Variants in PPARD observed in about 807,000 individuals in gnomAD.
PPARD encodes the protein peroxisome proliferator-activated receptor delta.
A neutral mutation model predicts 39.5 loss-of-function variants in PPARD; 6 were observed. That is an observed-to-expected ratio of 0.15 (90% confidence interval 0.08 to 0.30). The LOEUF is 0.30. Among genes scored for constraint, PPARD ranks in the 10% least tolerant of loss-of-function variants. The pLI is 1.00. For synonymous variants in PPARD, 210 were observed against 231.3 expected (o/e 0.91, Z 0.83); for missense variants, 397 against 596.8 (o/e 0.67, Z 3.49).
Position 35,425,513 on chromosome 6 carries a change from C to A in PPARD, c.1079-319C>A, listed in dbSNP as rs1295917548. ...GAATGTTTTGTGTCTCCATTTTACA[C>A]ATCAGAGAGGCTGAATGACCTGCCT... is the stretch of plus-strand genomic sequence containing the variant. On this transcript the variant is annotated intron_variant, in intron 7 of 7. Transcript: ENST00000360694. This position sits in a 1 kb window ranked among gnomAD's most constrained non-coding sequence, Gnocchi z 4.5. The A allele has an allele frequency of 3.1e-6, 3 of 962,138 alleles. No individual in the cohort carries two copies. In the Admixed American group the frequency reaches 1.1e-4, roughly 36 times the overall value. The allele number at this position is 962,138 out of a possible 1,614,324, so 59.6% of individuals were successfully genotyped here.
intron 2 of PPARD, among the ~76,000 whole-genome samples, chr6:35,387,608 G>A (rs1008351104): frequency 6.6e-6 from 1 of 150,678 alleles, no homozygotes; most frequent in Non-Finnish European, 1.5e-5. Context: ...GCTCTTCACC[G>A]TGGCAGTGGG....
chr6:35,401,333 G>A lies in PPARD; in HGVS notation c.-101-9654G>A, dbSNP rs528664758. Reference sequence around the variant, plus strand: ...GGTTTGCTGTAACTATTGCTCCTCCGAGCCTGGCTGAAATCATCTTCAGTC... The same window carrying A: ...GGTTTGCTGTAACTATTGCTCCTCCAAGCCTGGCTGAAATCATCTTCAGTC... On this transcript the variant is annotated intron_variant, in intron 2 of 7. Coordinates refer to ENST00000360694, the MANE Select transcript of PPARD (RefSeq NM_006238.5). This position sits in a 1 kb window ranked among gnomAD's most constrained non-coding sequence, Gnocchi z 4.1. 2.0e-5 allele frequency among the ~76,000 whole-genome samples: 3 copies of A among 152,206 alleles called. No homozygotes were observed. Among genetic ancestry groups the A allele is most frequent in the East Asian group, 1.9e-4 (1 of 5,188 alleles).
At chr6:35,417,894 G>A (rs141264460) in intron 3 of PPARD, among the ~76,000 whole-genome samples, 78 of 152,338 alleles carry the variant, frequency 5.1e-4, no homozygotes, top group African/African-American at 1.8e-3. Context: ...CCTGCATATA[G>A]AAGGTGCTTA....
At position 35,386,315 on chromosome 6, in the gene PPARD, A is replaced by ATT. The variant is rs751089075; in HGVS notation, c.-101-24650_-101-24649dup. On this transcript the variant is annotated intron_variant, in intron 2 of 7. Transcript: ENST00000360694. ...TGCATAGTGAGACCCCACCTCTACAATTTTTTTTTTTTTTTTTTTTTTTCA... is the reference window on the plus strand; with the variant it reads ...TGCATAGTGAGACCCCACCTCTACAATTTTTTTTTTTTTTTTTTTTTTTTTCA... 2.6e-3 allele frequency among the ~76,000 whole-genome samples: 314 copies of ATT among 120,394 alleles called. 5 individuals carry two copies. Among genetic ancestry groups the ATT allele is most frequent in the East Asian group, 0.011 (42 of 3,790 alleles). The allele number at this position is 120,394 out of a possible 152,430, so 79.0% of individuals were successfully genotyped here.
chr6:35,365,310 G>A (rs1167532044), intron 2 of PPARD, among the ~76,000 whole-genome samples: 3 of 146,004 alleles, frequency 2.1e-5, no homozygotes, highest in Non-Finnish European at 4.5e-5. Flanking sequence ...TTTTGTGTGT[G>A]TGTGTATTTT....
intron 2 of PPARD, among the ~76,000 whole-genome samples, chr6:35,387,571 A>G (rs967238282): frequency 6.6e-6 from 1 of 151,372 alleles, no homozygotes; most frequent in Non-Finnish European, 1.5e-5. Context: ...GCACGCTCTC[A>G]TGTGCGTGTG....
intron 2 of PPARD, among the ~76,000 whole-genome samples, chr6:35,354,054 A>C (rs968115784): frequency 6.6e-6 from 1 of 151,900 alleles, no homozygotes; most frequent in African/African-American, 2.4e-5. Context: ...AACACAGTGA[A>C]ACCCTGTCTC....
intron 3 of PPARD, 39 bp downstream of exon 3, chr6:35,411,256 G>A (rs201525969): frequency 7.5e-6 from 11 of 1,457,946 alleles, no homozygotes; most frequent in Middle Eastern, 2.0e-4. Context: ...GGCAGAGGAG[G>A]CACAGCCCAG....
chr6:35,420,366 G>T, intron 4 of PPARD, 85 bp downstream of exon 4: 2 of 1,480,788 alleles, frequency 1.4e-6, no homozygotes, highest in Non-Finnish European at 9.0e-7. Context: ...CCTTGCCTTG[G>T]GGTGGGGCCC....
At position 35,397,269 on chromosome 6, in the gene PPARD, A is replaced by G. The variant is rs9658115; in HGVS notation, c.-101-13718A>G. 7.0e-3 allele frequency among the ~76,000 whole-genome samples: 1,056 copies of G among 150,386 alleles called. 4 individuals carry two copies. The highest frequency in any genetic ancestry group is 0.02 in the South Asian group (97 of 4,732). On this transcript the variant is annotated intron_variant, in intron 2 of 7. Coordinates refer to ENST00000360694, the MANE Select transcript of PPARD (RefSeq NM_006238.5). The stretch of plus-strand genomic sequence containing the variant: ...GTAGCCTTGGGATCTGCTCAGCAAG[A>G]GGATTGTATAGTTTAAGGGAGGAAG...
At chr6:35,392,910 G>A (rs1381007822) in intron 2 of PPARD, among the ~76,000 whole-genome samples, 1 of 152,148 alleles carries the variant, frequency 6.6e-6, no homozygotes, top group Admixed American at 6.5e-5. Flanking sequence ...TCCTTCCCCA[G>A]AGCAGTTGTT....
chr6:35,421,881 A>G lies in PPARD; in HGVS notation c.347A>G (p.Lys116Arg), dbSNP rs1766195025. The G allele has an allele frequency of 3.7e-6, 6 of 1,613,932 alleles. No homozygotes were observed. Among genetic ancestry groups the G allele is most frequent in the Non-Finnish European group, 5.1e-6 (6 of 1,179,968 alleles). The change falls in exon 5 of 8, where the codon AAG (lysine) becomes AGG (arginine). Residue 116 changes from lysine (K) to arginine (R), a missense_variant. Lys to Arg is a conservative substitution (Grantham distance 26). Coordinates refer to ENST00000360694, the MANE Select transcript of PPARD (RefSeq NM_006238.5). ...TACGAGAAGTGTGAGCGCAGCTGCA[A>G]GATTCAGAAGAAGAACCGCAACAAG... ...LEYEKCERSCKIQKKNRNKCQ... is the reference protein window; with the variant it reads ...LEYEKCERSCRIQKKNRNKCQ...
In PPARD at chr6:35,366,539, C is replaced by T. The variant is rs924400792; in HGVS notation, c.-102+19389C>T. On this transcript the variant is annotated intron_variant, in intron 2 of 7. Coordinates refer to ENST00000360694, the MANE Select transcript of PPARD (RefSeq NM_006238.5). This position sits in a 1 kb window ranked among gnomAD's most constrained non-coding sequence, Gnocchi z 4.6. Reference sequence around the variant, plus strand: ...AGTAGTACAGGTGAGAAATTCCTGGCCTGTAGTACTAAATACTTTTTTTTT... The same window carrying T: ...AGTAGTACAGGTGAGAAATTCCTGGTCTGTAGTACTAAATACTTTTTTTTT... 1.0e-4 allele frequency among the ~76,000 whole-genome samples: 15 copies of T among 150,346 alleles called. No homozygotes were observed. The highest frequency in any genetic ancestry group is 2.0e-4 in the Admixed American group (3 of 15,166).
intron 3 of PPARD, among the ~76,000 whole-genome samples, chr6:35,416,983 A>G (rs1258363177): frequency 3.5e-5 from 5 of 142,552 alleles, no homozygotes; most frequent in African/African-American, 8.2e-5. Flanking sequence ...TTATTTGTTT[A>G]TTTATTTTTT....
intron 2 of PPARD, 21 bp downstream of exon 2, chr6:35,347,171 CAG>C (rs1792234692): frequency 1.3e-6 from 2 of 1,535,730 alleles, no homozygotes; most frequent in African/African-American, 1.4e-5. Flanking sequence ...TTTCTTTACT[CAG>C]GGGTCTCTGA....
Position 35,401,776 on chromosome 6 carries a change from A to G in PPARD, c.-101-9211A>G, listed in dbSNP as rs1764707509. Among the ~76,000 whole-genome samples, 4 of 152,200 alleles carry G rather than the reference A, an allele frequency of 2.6e-5. No homozygotes were observed. The highest frequency in any genetic ancestry group is 6.5e-5 in the Admixed American group (1 of 15,282). ...ATTGCTGGCTAATGTAGCCTGGCAC[A>G]TGGTGGTAGGTACTTGACAAATATT... On this transcript the variant is annotated intron_variant, in intron 2 of 7. Coordinates refer to ENST00000360694, the MANE Select transcript of PPARD (RefSeq NM_006238.5). This position sits in a 1 kb window ranked among gnomAD's most constrained non-coding sequence, Gnocchi z 4.1.
At chr6:35,356,488 T>C (rs1761620223) in intron 2 of PPARD, among the ~76,000 whole-genome samples, 1 of 152,234 alleles carries the variant, frequency 6.6e-6, no homozygotes, top group Admixed American at 6.5e-5. Context: ...TTTCCCTTAA[T>C]TGCCTAAAAC....
At chr6:35,373,962 G>T (rs762465899) in intron 2 of PPARD, among the ~76,000 whole-genome samples, 1 of 152,108 alleles carries the variant, frequency 6.6e-6, no homozygotes, top group Non-Finnish European at 1.5e-5. Context: ...GAGCCACCAC[G>T]CCTGGCCTAC....
chr6:35,415,885 T>C (rs1221059651), intron 3 of PPARD, among the ~76,000 whole-genome samples: 2 of 151,890 alleles, frequency 1.3e-5, no homozygotes, highest in Non-Finnish European at 2.9e-5. Context: ...GCAGGCAGGC[T>C]GGAGAGCCGG....
Sources: gnomAD v4.1 joint callset for allele counts (sites outside exome capture counted in the v4.1 genomes callset) on GRCh38, gnomAD v4.1.1 for gene constraint, Gnocchi (gnomAD v3.1) non-coding constraint, MANE v1.5 for transcripts, NCBI Gene and HGNC (gene_info 2026-07-23, HGNC 2026-07-21) for gene names.